Variants in LEKR1 observed in about 807,000 individuals in gnomAD.
LEKR1 encodes leucine, glutamate and lysine rich 1, also known as protein LEKR1.
Under a neutral mutation model 72.4 loss-of-function variants are expected in LEKR1, and 59 were observed. The observed-to-expected ratio is 0.82, with a 90% confidence interval of 0.66 to 1.01. The LOEUF (loss-of-function observed/expected upper bound fraction) is 1.01, where lower values mean the gene tolerates loss of function less well. Ranked by LOEUF, LEKR1 falls within the 50% of genes least tolerant of loss-of-function variation. The pLI, the probability that LEKR1 is intolerant of heterozygous loss-of-function variation, is 0.00. For missense variants in LEKR1, 728 were observed against 759.2 expected (o/e 0.96, Z 0.48); for synonymous variants, 257 against 263.2 (o/e 0.98, Z 0.23).
chr3:156,864,184 C>T (rs1436169788), intron 3 of LEKR1, among the ~76,000 whole-genome samples: 5 of 152,008 alleles, frequency 3.3e-5, no homozygotes, highest in Non-Finnish European at 5.9e-5. Context: ...CCTCTACCTT[C>T]TCTCTTTCTT....
intron 10 of LEKR1, among the ~76,000 whole-genome samples, chr3:157,016,072 G>A (rs1006100772): frequency 6.6e-6 from 1 of 151,934 alleles, no homozygotes; most frequent in Non-Finnish European, 1.5e-5. Context: ...ACCTCAGAAA[G>A]AACATCAGTG....
intron 4 of LEKR1, among the ~76,000 whole-genome samples, chr3:156,922,774 C>T (rs1724331457): frequency 6.6e-6 from 1 of 152,072 alleles, no homozygotes; most frequent in African/African-American, 2.4e-5. Flanking sequence ...TATTAAAAAC[C>T]TGAATGAAAT....
At chr3:156,923,198 C>CACCTATCTTAAGGTG (rs1441662527) in intron 4 of LEKR1, among the ~76,000 whole-genome samples, 4 of 152,078 alleles carry the variant, frequency 2.6e-5, no homozygotes, top group African/African-American at 9.7e-5. Context: ...CTTAAGGAGA[C>CACCTATCTTAAGGTG]AATTTAATTA....
chr3:156,829,201 A>G (rs974291816), intron 1 of LEKR1, 85 bp from the exon 2 acceptor site: 41 of 597,650 alleles, frequency 6.9e-5, no homozygotes, highest in African/African-American at 4.5e-4. Context: ...TTCATCCCCA[A>G]ATACTTCTAG....
intron 3 of LEKR1, among the ~76,000 whole-genome samples, chr3:156,911,585 G>A (rs1437629686): frequency 6.6e-6 from 1 of 152,000 alleles, no homozygotes; most frequent in Admixed American, 6.6e-5. Flanking sequence ...AAAAACTGAT[G>A]TTGAGAAGGC....
rs540106434 is a variant in LEKR1, at chr3:156,966,333, C to T, written c.746-12861C>T. Reference sequence around the variant, plus strand: ...TGTGAGCTGAAGCAGGGTGAGGCATCGCCTCACCCGGGAAGTGCAAGGAGT... The same window carrying T: ...TGTGAGCTGAAGCAGGGTGAGGCATTGCCTCACCCGGGAAGTGCAAGGAGT... On this transcript the variant is annotated intron_variant, in intron 6 of 12. Transcript: ENST00000356539. Among the ~76,000 whole-genome samples the T allele has an allele frequency of 3.5e-3, 527 of 152,082 alleles. 2 individuals are homozygous for T. Among genetic ancestry groups the T allele is most frequent in the African/African-American group, 0.012 (495 of 41,494 alleles).
chr3:156,939,250 T>C (rs1725989644), intron 5 of LEKR1, among the ~76,000 whole-genome samples: 1 of 152,098 alleles, frequency 6.6e-6, no homozygotes, highest in African/African-American at 2.4e-5. Flanking sequence ...AAGAAATCTG[T>C]ACACAGACAC....
At chr3:156,984,922 G>A (rs1236378410) in intron 7 of LEKR1, among the ~76,000 whole-genome samples, 1 of 151,650 alleles carries the variant, frequency 6.6e-6, no homozygotes, top group African/African-American at 2.4e-5. Context: ...CTGTTCTTGG[G>A]ACAGTCTCTA....
chr3:157,028,427 T>C, intron 12 of LEKR1, 25 bp downstream of exon 12: 1 of 1,538,708 alleles, frequency 6.5e-7, no homozygotes, highest in South Asian at 1.3e-5. Flanking sequence ...GTGGTAACTT[T>C]GCAATTAATC....
In LEKR1 at chr3:157,040,565, T is replaced by C. The variant is rs531151861; in HGVS notation, c.1669-4775T>C. On this transcript the variant is annotated intron_variant, in intron 12 of 12. Coordinates refer to ENST00000356539, the MANE Select transcript of LEKR1 (RefSeq NM_001004316.3). Reference sequence around the variant, plus strand: ...AGTTGAACAGAAGCCTGGAAGCCTTTGAATGGAAGCTGGGAACATCCTTTG... The same window carrying C: ...AGTTGAACAGAAGCCTGGAAGCCTTCGAATGGAAGCTGGGAACATCCTTTG... Among the ~76,000 whole-genome samples, 8 of 152,338 alleles carry C rather than the reference T, an allele frequency of 5.3e-5. No individual in the cohort carries two copies. In the South Asian group the frequency reaches 1.7e-3, roughly 32 times the overall value.
At chr3:156,937,122 C>G (rs1725786428) in intron 5 of LEKR1, among the ~76,000 whole-genome samples, 1 of 151,974 alleles carries the variant, frequency 6.6e-6, no homozygotes, top group Non-Finnish European at 1.5e-5. Flanking sequence ...CACTGCACTC[C>G]AGTGTGGACA....
intron 9 of LEKR1, 97 bp from the exon 10 acceptor site, chr3:157,011,316 C>A: frequency 1.3e-6 from 1 of 780,678 alleles, no homozygotes; most frequent in Non-Finnish European, 2.2e-6. Flanking sequence ...AATAAACAGA[C>A]TAAGTTTTGA....
chr3:156,935,683 G>T (rs1488197594), intron 5 of LEKR1, among the ~76,000 whole-genome samples: 2 of 152,106 alleles, frequency 1.3e-5, no homozygotes, highest in Non-Finnish European at 2.9e-5. Context: ...AGATGACCGG[G>T]AGCCTAAGAA....
At position 156,840,791 on chromosome 3, in the gene LEKR1, C is replaced by T. The variant is rs1460420418; in HGVS notation, c.48+11414C>T. ...AAATCATTACATTCAATTATCTTCACCTTTTAAGTTAGGTGTAAAAGAGTA... is the reference window on the plus strand; with the variant it reads ...AAATCATTACATTCAATTATCTTCATCTTTTAAGTTAGGTGTAAAAGAGTA... On this transcript the variant is annotated intron_variant, in intron 2 of 12. Coordinates refer to ENST00000356539, the MANE Select transcript of LEKR1 (RefSeq NM_001004316.3). 2.6e-5 allele frequency among the ~76,000 whole-genome samples: 4 copies of T among 152,184 alleles called. No individual in the cohort carries two copies. In the East Asian group the frequency reaches 7.7e-4, roughly 29 times the overall value.
At position 156,981,386 on chromosome 3, in the gene LEKR1, A is replaced by G. The variant is rs1036220515; in HGVS notation, c.827+2111A>G. Among the ~76,000 whole-genome samples the G allele has an allele frequency of 9.2e-5, 14 of 152,298 alleles. No homozygotes were observed. In the South Asian group the frequency reaches 1.0e-3, roughly 11 times the overall value. ...CTGGAGATGCAGGGAGAAATACACC[A>G]CTAAAGTCCATCAAACTAATTATCT... On this transcript the variant is annotated intron_variant, in intron 7 of 12. Coordinates refer to ENST00000356539, the MANE Select transcript of LEKR1 (RefSeq NM_001004316.3).
intron 3 of LEKR1, among the ~76,000 whole-genome samples, chr3:156,899,481 C>CATGTATAT (rs1721656267): frequency 5.3e-5 from 1 of 18,876 alleles, no homozygotes; most frequent in Non-Finnish European, 1.1e-4. Context: ...TATATACATA[C>CATGTATAT]ATACATATAT....
intron 5 of LEKR1, among the ~76,000 whole-genome samples, chr3:156,939,246 T>G (rs1419098175): frequency 6.6e-6 from 1 of 152,010 alleles, no homozygotes; most frequent in Non-Finnish European, 1.5e-5. Flanking sequence ...GAAGAAGAAA[T>G]CTGTACACAG....
intron 9 of LEKR1, among the ~76,000 whole-genome samples, chr3:156,998,061 G>T (rs1408011158): frequency 6.6e-6 from 1 of 152,050 alleles, no homozygotes; most frequent in Non-Finnish European, 1.5e-5. Flanking sequence ...ATGCAGCAAG[G>T]CATAAGGATG....
chr3:156,861,973 A>G (rs1341577827), intron 3 of LEKR1, among the ~76,000 whole-genome samples: 2 of 152,128 alleles, frequency 1.3e-5, no homozygotes, highest in Admixed American at 6.6e-5. Flanking sequence ...GCAAACAGTA[A>G]ATAGAAGTTG....
Sources: allele counts gnomAD v4.1 joint callset (sites outside exome capture counted in the v4.1 genomes callset), GRCh38; gene constraint gnomAD v4.1.1; transcripts MANE v1.5; gene names NCBI Gene and HGNC (gene_info 2026-07-23, HGNC 2026-07-21).